Variants in ZFAND5 observed in about 807,000 individuals in gnomAD.
The protein encoded by ZFAND5 is AN1-type zinc finger protein 5.
Under a neutral mutation model 23.6 loss-of-function variants are expected in ZFAND5, and 4 were observed. The observed-to-expected ratio is 0.17, with a 90% CI of 0.08 to 0.39. The LOEUF (loss-of-function observed/expected upper bound fraction) is 0.39. ZFAND5 is among the 10% of genes least tolerant of loss of function. ZFAND5 has a pLI of 1.00. For missense variants in ZFAND5, 161 were observed against 253.7 expected (o/e 0.63, Z 2.48); for synonymous variants, 68 against 80.6 (o/e 0.84, Z 0.84).
intron 2 of ZFAND5, among the ~76,000 whole-genome samples, chr9:72,362,706 T>C (rs116869080): frequency 0.012 from 1,822 of 152,334 alleles, 22 homozygotes; most frequent in Non-Finnish European, 0.021. Context: ...GTCTTCTACA[T>C]GGGTTCCCAT....
rs747848892 is a variant in ZFAND5, at chr9:72,356,933, G to C, written c.491C>G (p.Thr164Arg). The C allele has an allele frequency of 6.2e-7, 1 of 1,611,516 alleles. No individual in the cohort carries two copies. The highest frequency in any genetic ancestry group is 2.2e-5 in the East Asian group (1 of 44,814). ...CATTGTCTTGTGTTTTGTAATACCT[G>C]TAAGACCAACTTTCTTTCTGCACAT... ...CFMCRKKVGL[T>R]GFDCRCGNLF... Residue 164 changes from threonine (T) to arginine (R), a missense_variant and splice_region_variant, in exon 6 of 7, where the codon ACA (threonine) becomes AGA (arginine). Coordinates refer to ENST00000376962, the MANE Select transcript of ZFAND5 (RefSeq NM_001102420.3).
rs951930311 is a variant in ZFAND5, at chr9:72,353,337, C to G, written c.*2616G>C. ...AACCCTGACAAATCTTTGTTCTGAT[C>G]TGGTTTAATGTTTCTTGTAAAACAA... On this transcript the variant is annotated 3_prime_UTR_variant, in exon 7 of 7. Transcript: ENST00000376962. 2 of 151,898 alleles carry G rather than the reference C, an allele frequency of 1.3e-5. No individual in the cohort carries two copies. The highest frequency in any genetic ancestry group is 6.6e-5 in the Admixed American group (1 of 15,224). 9.4% of individuals were successfully genotyped at this position (151,898 alleles called of 1,614,324 possible). A position where few individuals can be genotyped will look rare whatever the true frequency, so the allele number is the denominator to read the frequency against.
At chr9:72,356,158 A>T in intron 6 of ZFAND5, 57 bp from the exon 7 acceptor site, 1 of 1,574,166 alleles carries the variant, frequency 6.4e-7, no homozygotes, top group Non-Finnish European at 8.6e-7. Context: ...AAAGAAAAAA[A>T]AGCCTTAGTC....
rs1267340014 is a variant in ZFAND5 at position 72,354,626 on chromosome 9, A to G, written c.*1327T>C. The G allele has an allele frequency of 5.2e-5, 8 of 152,666 alleles. No individual in the cohort carries two copies. Among genetic ancestry groups the G allele is most frequent in the Admixed American group, 5.2e-4 (8 of 15,286 alleles). 9.5% of individuals were successfully genotyped at this position (152,666 alleles called of 1,614,324 possible). The stretch of plus-strand genomic sequence containing the variant: ...AGCAAAACTGAATGCTTTAAGAATA[A>G]AAGTAAAAACTAGGACTGAACATTG... On this transcript the variant is annotated 3_prime_UTR_variant, in exon 7 of 7. Coordinates refer to ENST00000376962, the MANE Select transcript of ZFAND5 (RefSeq NM_001102420.3).
rs1841773336 is a variant in ZFAND5, at chr9:72,351,594, T to TTTC, written c.*4358_*4359insGAA. 1 of 11,328 alleles carries TTTC rather than the reference T, an allele frequency of 8.8e-5. No individual in the cohort carries two copies. The highest frequency in any genetic ancestry group is 2.0e-4 in the African/African-American group (1 of 4,956). 0.7% of individuals were successfully genotyped at this position (11,328 alleles called of 1,614,324 possible). Reference sequence around the variant, plus strand: ...GCACTTTTGTATTCTGTTGTACTTTTTTTTTTTTTTTTACATTTGCTACAC... The same window carrying TTTC: ...GCACTTTTGTATTCTGTTGTACTTTTTTCTTTTTTTTTTTTACATTTGCTACAC... On this transcript the variant is annotated 3_prime_UTR_variant, in exon 7 of 7. Coordinates refer to ENST00000376962, the MANE Select transcript of ZFAND5 (RefSeq NM_001102420.3).
intron 1 of ZFAND5, chr9:72,364,442 G>A (rs990481154): frequency 2.4e-6 from 3 of 1,269,168 alleles, no homozygotes; most frequent in African/African-American, 1.6e-5. Flanking sequence ...GAGGCGGCAC[G>A]CCGTGCATTG....
At chr9:72,360,482 T>C (rs1052388981) in intron 3 of ZFAND5, 146 bp downstream of exon 3, 5 of 1,083,102 alleles carry the variant, frequency 4.6e-6, no homozygotes, top group South Asian at 1.5e-5. Flanking sequence ...TGATCAGTCA[T>C]GTCAAGCACT....
intron 5 of ZFAND5, 61 bp downstream of exon 5, chr9:72,359,357 C>G: frequency 2.0e-6 from 3 of 1,535,096 alleles, no homozygotes; most frequent in Non-Finnish European, 1.8e-6. Flanking sequence ...AGAATCCCCC[C>G]ACCAGCCATT....
At chr9:72,359,359 C>T (rs1050789040) in intron 5 of ZFAND5, 59 bp downstream of exon 5, 1 of 1,543,398 alleles carries the variant, frequency 6.5e-7, no homozygotes, top group South Asian at 1.2e-5. Context: ...AATCCCCCCA[C>T]CAGCCATTTC....
Position 72,352,219 on chromosome 9 carries a change from A to AGGAGAATGGCGTGAACCC in ZFAND5, c.*3716_*3733dup, listed in dbSNP as rs964444109. 5 of 152,406 alleles carry AGGAGAATGGCGTGAACCC rather than the reference A, an allele frequency of 3.3e-5. No individual in the cohort carries two copies. Among genetic ancestry groups the AGGAGAATGGCGTGAACCC allele is most frequent in the African/African-American group, 1.2e-4 (5 of 41,602 alleles). 9.4% of individuals were successfully genotyped at this position (152,406 alleles called of 1,614,324 possible). On this transcript the variant is annotated 3_prime_UTR_variant, in exon 7 of 7. Transcript: ENST00000376962. ...TCCCAACTACTCCGGAGGCTGAGCC[A>AGGAGAATGGCGTGAACCC]GGAGAATGGCGTGAACCCGGGAGGC...
intron 5 of ZFAND5, among the ~76,000 whole-genome samples, chr9:72,357,919 TA>T (rs554966141): frequency 6.6e-6 from 1 of 152,270 alleles, no homozygotes; most frequent in Admixed American, 6.5e-5. Flanking sequence ...ACACTGCCAC[TA>T]GTTCTTTAAC....
At chr9:72,362,641 A>G (rs541329772) in intron 2 of ZFAND5, among the ~76,000 whole-genome samples, 1 of 152,332 alleles carries the variant, frequency 6.6e-6, no homozygotes, top group South Asian at 2.1e-4. Flanking sequence ...GTCTACCTTC[A>G]TTTCATTATA....
intron 6 of ZFAND5, among the ~76,000 whole-genome samples, chr9:72,356,417 G>A (rs1015591616): frequency 6.6e-6 from 1 of 152,158 alleles, no homozygotes; most frequent in Non-Finnish European, 1.5e-5. Flanking sequence ...TGGGCTATCT[G>A]CCAGCTAATT....
rs554342832 is a variant in ZFAND5, at chr9:72,356,717, C to T, written c.493+214G>A. Among the ~76,000 whole-genome samples, 18 of 152,108 alleles carry T rather than the reference C, an allele frequency of 1.2e-4. No individual in the cohort carries two copies. The Middle Eastern group carries it at 0.01, about 87-fold the overall frequency. On this transcript the variant is annotated intron_variant, in intron 6 of 6. Transcript: ENST00000376962. ...TATCAATCTAATAAAATAAGAGGGC[C>T]TGAGTTAATAGTTTTATATGATTAG...
rs1842227375 is a variant in ZFAND5, at chr9:72,365,055, G to A, written c.-506C>T. 4 of 152,182 alleles carry A rather than the reference G, an allele frequency of 2.6e-5. No homozygotes were observed. 9.4% of individuals were successfully genotyped at this position (152,182 alleles called of 1,614,324 possible). A position where few individuals can be genotyped will look rare whatever the true frequency, so the allele number is the denominator to read the frequency against. On this transcript the variant is annotated 5_prime_UTR_variant, in exon 1 of 7. Coordinates refer to ENST00000376962, the MANE Select transcript of ZFAND5 (RefSeq NM_001102420.3). ...GCCGCAGGTTGGGCGGACGAGGAGGGCGAGCGGACCGCGCGCCGCGAGGCC... is the reference window on the plus strand; with the variant it reads ...GCCGCAGGTTGGGCGGACGAGGAGGACGAGCGGACCGCGCGCCGCGAGGCC...
chr9:72,361,196 T>A (rs1272156423), intron 2 of ZFAND5, among the ~76,000 whole-genome samples: 2 of 152,250 alleles, frequency 1.3e-5, no homozygotes, highest in East Asian at 3.8e-4. Flanking sequence ...TGAGTCTTGA[T>A]ATTTATAGGT....
At chr9:72,357,880 A>G (rs1044965969) in intron 5 of ZFAND5, among the ~76,000 whole-genome samples, 1 of 152,154 alleles carries the variant, frequency 6.6e-6, no homozygotes, top group Admixed American at 6.5e-5. Flanking sequence ...CTCACAATGA[A>G]CAAAAAATAC....
intron 2 of ZFAND5, among the ~76,000 whole-genome samples, chr9:72,362,407 T>C (rs1220184441): frequency 6.6e-6 from 1 of 152,238 alleles, no homozygotes; most frequent in Non-Finnish European, 1.5e-5. Context: ...GTTGGGTCAC[T>C]CCTTAAAACC....
chr9:72,353,783 C>G lies in ZFAND5; in HGVS notation c.*2170G>C, dbSNP rs1161671018. On this transcript the variant is annotated 3_prime_UTR_variant, in exon 7 of 7. Coordinates refer to ENST00000376962, the MANE Select transcript of ZFAND5 (RefSeq NM_001102420.3). ...AAATTAAGTTGCCCTTCTAAATCTT[C>G]AACTTCTAAATTTTCAACTCAATTG... is the stretch of plus-strand genomic sequence containing the variant. 1.3e-5 allele frequency: 2 copies of G among 152,144 alleles called. No homozygotes were observed. The highest frequency in any genetic ancestry group is 3.8e-4 in the East Asian group (2 of 5,206). The allele number at this position is 152,144 out of a possible 1,614,324, so 9.4% of individuals were successfully genotyped here.
Sources: allele counts gnomAD v4.1 joint callset (sites outside exome capture counted in the v4.1 genomes callset), GRCh38; gene constraint gnomAD v4.1.1; transcripts MANE v1.5; gene names NCBI Gene and HGNC (gene_info 2026-07-23, HGNC 2026-07-21).